TMEM144: variants seen among roughly 807,000 people sequenced by gnomAD.
TMEM144 encodes transmembrane protein 144.
A neutral mutation model predicts 43.6 loss-of-function variants in TMEM144; 39 were observed. The ratio of observed to expected loss-of-function variants is 0.90; its 90% CI spans 0.69 to 1.17. TMEM144 has a LOEUF of 1.17. TMEM144 is among the 50% of genes most tolerant of loss of function. TMEM144 has a pLI of 0.00. For synonymous variants in TMEM144, 154 were observed against 133.6 expected (o/e 1.15, Z -1.06); for missense variants, 417 against 411.9 (o/e 1.01, Z -0.11).
chr4:158,227,819 A>G (rs1560827296), intron 6 of TMEM144, among the ~76,000 whole-genome samples: 1 of 151,832 alleles, frequency 6.6e-6, no homozygotes, highest in African/African-American at 2.4e-5. Context: ...CTTACCTTCA[A>G]TGCTGGCCAG....
intron 6 of TMEM144, among the ~76,000 whole-genome samples, chr4:158,221,414 G>A (rs1324071993): frequency 1.3e-5 from 2 of 152,166 alleles, no homozygotes; most frequent in Admixed American, 6.5e-5. Flanking sequence ...GAACCTAGCT[G>A]CCAATAAAGT....
rs772646279 is a variant in TMEM144 at position 158,212,685 on chromosome 4, A to C, written c.18A>C (p.Ala6=). Residue 6 remains alanine, a synonymous_variant, in exon 3 of 13, where the codon GCA becomes GCC. Transcript: ENST00000296529. MSNNG[A]DLTFGYISCF... ...CTGGAATCATGAGCAACAATGGAGC[A>C]GACCTAACCTTTGGTTACATCTCCT... 17 of 1,612,482 alleles carry C rather than the reference A, an allele frequency of 1.1e-5. No homozygotes were observed. The African/African-American group carries it at 2.0e-4, about 19-fold the overall frequency.
At chr4:158,227,564 CTT>C in intron 6 of TMEM144, among the ~76,000 whole-genome samples, 2 of 151,998 alleles carry the variant, frequency 1.3e-5, no homozygotes, top group Non-Finnish European at 2.9e-5. Context: ...TTCTTTATCT[CTT>C]TGACTTTGTC....
chr4:158,223,945 G>T (rs571158834), intron 6 of TMEM144, among the ~76,000 whole-genome samples: 6 of 152,278 alleles, frequency 3.9e-5, no homozygotes, highest in African/African-American at 1.2e-4. Context: ...GGATTGCTGG[G>T]TCAAATGGTA....
chr4:158,234,574 A>C (rs1735246164), intron 7 of TMEM144: 1 of 152,238 alleles, frequency 6.6e-6, no homozygotes, highest in South Asian at 2.1e-4. Flanking sequence ...CTTCGGCTAT[A>C]GTATTATAAT....
At chr4:158,250,717 T>G (rs1159476387) in intron 12 of TMEM144, among the ~76,000 whole-genome samples, 2 of 152,194 alleles carry the variant, frequency 1.3e-5, no homozygotes, top group Non-Finnish European at 2.9e-5. Context: ...TGGTGCATGT[T>G]CTTCACTGAG....
intron 12 of TMEM144, among the ~76,000 whole-genome samples, chr4:158,248,622 T>A (rs181528506): frequency 6.6e-6 from 1 of 152,150 alleles, no homozygotes; most frequent in East Asian, 1.9e-4. Context: ...AGCCTAAATA[T>A]CATAAGAATA....
In TMEM144 at chr4:158,241,529, T is replaced by A. The variant is rs756639381; in HGVS notation, c.823T>A (p.Trp275Arg). Residue 275 changes from tryptophan (W) to arginine (R), a missense_variant, in exon 11 of 13, where the codon TGG (tryptophan) becomes AGG (arginine). Transcript: ENST00000296529. Reference sequence around the variant, plus strand: ...TTCAGGATTCCTGTCAGGAGTACTTTGGGCTATAGCTACCTGCTGTTGGTT... The same window carrying A: ...TTCAGGATTCCTGTCAGGAGTACTTAGGGCTATAGCTACCTGCTGTTGGTT... ...VLPGFLSGVL[W>R]AIATCCWFIA... 3 of 1,613,962 alleles carry A rather than the reference T, an allele frequency of 1.9e-6. No homozygotes were observed. Among genetic ancestry groups the A allele is most frequent in the Non-Finnish European group, 1.7e-6 (2 of 1,179,848 alleles).
At chr4:158,227,632 T>C (rs1271387597) in intron 6 of TMEM144, among the ~76,000 whole-genome samples, 1 of 152,154 alleles carries the variant, frequency 6.6e-6, no homozygotes, top group Admixed American at 6.5e-5. Context: ...TCGCTTATTC[T>C]GCAGTTCTCT....
At chr4:158,219,649 T>C (rs1181195952) in intron 6 of TMEM144, among the ~76,000 whole-genome samples, 1 of 152,206 alleles carries the variant, frequency 6.6e-6, no homozygotes, top group Non-Finnish European at 1.5e-5. Context: ...AGTTTTATCA[T>C]CTATAATATG....
rs1736426008 is a variant in TMEM144, at chr4:158,255,302, A to ATTT, written c.*1776_*1777insTTT. On this transcript the variant is annotated 3_prime_UTR_variant, in exon 13 of 13. Transcript: ENST00000296529. ...TACAAAAGCTATTTTTCTCATTTAA[A>ATTT]TATATTTTAGAATTTTATATTGGAT... is the stretch of plus-strand genomic sequence containing the variant. 6.6e-6 allele frequency: 1 copy of ATTT among 151,774 alleles called. No individual in the cohort carries two copies. The highest frequency in any genetic ancestry group is 2.4e-5 in the African/African-American group (1 of 41,390). 9.4% of individuals were successfully genotyped at this position (151,774 alleles called of 1,614,324 possible).
chr4:158,234,282 G>A (rs1447077753), intron 7 of TMEM144: 1 of 151,964 alleles, frequency 6.6e-6, no homozygotes, highest in Non-Finnish European at 1.5e-5. Context: ...CGTAATCCCA[G>A]CACTGTGGGA....
At chr4:158,237,673 A>G (rs1288349311) in intron 9 of TMEM144, 30 bp downstream of exon 9, 1 of 1,373,492 alleles carries the variant, frequency 7.3e-7, no homozygotes, top group African/African-American at 1.5e-5. Context: ...TTACTTTATT[A>G]ATATCTACTT....
At chr4:158,219,419 G>A in intron 6 of TMEM144, 29 bp downstream of exon 6, 1 of 1,599,186 alleles carries the variant, frequency 6.3e-7, no homozygotes, top group Admixed American at 1.7e-5. Context: ...TGATTTTGCT[G>A]TTCTTCAAAA....
At chr4:158,236,388 A>G (rs909851085) in intron 8 of TMEM144, among the ~76,000 whole-genome samples, 1 of 152,260 alleles carries the variant, frequency 6.6e-6, no homozygotes, top group East Asian at 1.9e-4. Context: ...TTTTTTCACA[A>G]AGCCTCCCCT....
chr4:158,216,178 T>C (rs766158556), intron 4 of TMEM144, among the ~76,000 whole-genome samples: 1 of 152,132 alleles, frequency 6.6e-6, no homozygotes, highest in Non-Finnish European at 1.5e-5. Flanking sequence ...AGACTAAGCA[T>C]CCATCCATCC....
chr4:158,217,373 C>T lies in TMEM144; in HGVS notation c.285C>T (p.Ile95=), dbSNP rs1170700304. 6.2e-7 allele frequency: 1 copy of T among 1,613,180 alleles called. No homozygotes were observed. Among genetic ancestry groups the T allele is most frequent in the African/African-American group, 1.3e-5 (1 of 74,872 alleles). ...AAACCATTGGTTTAGGCCTTGGAAT[C>T]TTAATCTGGGGATCATTTAATGCCT... is the stretch of plus-strand genomic sequence containing the variant. ...IIKTIGLGLG[I]LIWGSFNALT... is the part of the protein sequence containing the mutation. The change falls in exon 5 of 13, where the codon ATC becomes ATT. Residue 95 remains isoleucine, a synonymous_variant. Transcript: ENST00000296529.
At chr4:158,227,049 A>C (rs1185427441) in intron 6 of TMEM144, among the ~76,000 whole-genome samples, 1 of 151,754 alleles carries the variant, frequency 6.6e-6, no homozygotes, top group Non-Finnish European at 1.5e-5. Context: ...AAACCTTGTA[A>C]GTTTGGGATT....
chr4:158,252,990 T>G (rs540047733), intron 12 of TMEM144, among the ~76,000 whole-genome samples: 1 of 152,040 alleles, frequency 6.6e-6, no homozygotes, highest in South Asian at 2.1e-4. Context: ...GCACATAAAA[T>G]TCCTTCTACC....
Sources: allele counts gnomAD v4.1 joint callset (sites outside exome capture counted in the v4.1 genomes callset), GRCh38; gene constraint gnomAD v4.1.1; transcripts MANE v1.5; gene names NCBI Gene and HGNC (gene_info 2026-07-23, HGNC 2026-07-21).